The following HPSE2 variants were observed in gnomAD, a reference collection of about 807,000 sequenced individuals.
HPSE2 encodes inactive heparanase-2.
HPSE2 carries 38 observed loss-of-function variants against 60.5 expected under a neutral mutation model. The ratio of observed to expected loss-of-function variants is 0.63; its 90% CI spans 0.48 to 0.82. HPSE2 has a LOEUF of 0.82. Ranked by LOEUF, HPSE2 falls within the 40% of genes least tolerant of loss-of-function variation. The pLI, the probability that HPSE2 is intolerant of heterozygous loss-of-function variation, is 0.00. For missense variants in HPSE2, 713 were observed against 740.4 expected (o/e 0.96, Z 0.43); for synonymous variants, 295 against 293.2 (o/e 1.01, Z -0.06).
intron 9 of HPSE2, among the ~76,000 whole-genome samples, chr10:98,522,192 T>C (rs1009257967): frequency 6.6e-6 from 1 of 151,254 alleles, no homozygotes; most frequent in African/African-American, 2.4e-5. Flanking sequence ...TGGTTTCATA[T>C]AGGGTTTAGA....
intron 3 of HPSE2, among the ~76,000 whole-genome samples, chr10:98,971,459 A>T (rs1007324049): frequency 6.6e-6 from 1 of 152,172 alleles, no homozygotes; most frequent in Non-Finnish European, 1.5e-5. Context: ...CATAAGCCAG[A>T]CAACCACTTA....
Position 98,614,947 on chromosome 10 carries a change from T to C in HPSE2, c.1277A>G (p.His426Arg), listed in dbSNP as rs979140300. 1.7e-5 allele frequency: 28 copies of C among 1,613,988 alleles called. No homozygotes were observed. Among genetic ancestry groups the C allele is most frequent in the Non-Finnish European group, 2.2e-5 (26 of 1,179,984 alleles). Reference protein sequence around the residue: ...DVVIRHSFFDHGYNHLVDQNF... With the variant: ...DVVIRHSFFDRGYNHLVDQNF... ...CTGGTCCACGAGGTGATTGTATCCA[T>C]GGTCAAAAAATGAGTGCCGTATCAC... The change falls in exon 9 of 12, where the codon CAT becomes CGT. Residue 426 changes from histidine to arginine, a missense_variant. Physicochemically the swap from His to Arg is conservative, Grantham distance 29. Transcript: ENST00000370552.
At chr10:98,927,166 C>A in intron 3 of HPSE2, among the ~76,000 whole-genome samples, 1 of 151,688 alleles carries the variant, frequency 6.6e-6, no homozygotes, top group Non-Finnish European at 1.5e-5. Context: ...TCCTTGTTGA[C>A]TTTCTGTCTC....
chr10:98,752,167 T>C (rs1048337066), intron 3 of HPSE2, among the ~76,000 whole-genome samples: 4 of 152,106 alleles, frequency 2.6e-5, no homozygotes, highest in African/African-American at 9.7e-5. Flanking sequence ...TTTCAGGCTC[T>C]GAAAAATAAA....
chr10:98,482,532 A>G, intron 11 of HPSE2, 104 bp downstream of exon 11: 1 of 1,415,840 alleles, frequency 7.1e-7, no homozygotes, highest in East Asian at 2.3e-5. Context: ...ACTCCATCCC[A>G]CTGAGCCCTT....
At chr10:98,511,718 T>C (rs1213666081) in intron 9 of HPSE2, among the ~76,000 whole-genome samples, 1 of 152,134 alleles carries the variant, frequency 6.6e-6, no homozygotes, top group Non-Finnish European at 1.5e-5. Flanking sequence ...ATTTAATAAA[T>C]ATTCTTTGAT....
chr10:98,580,836 A>ATATATATGTGTGTGTGTG, intron 9 of HPSE2, among the ~76,000 whole-genome samples: 6 of 119,528 alleles, frequency 5.0e-5, no homozygotes, highest in African/African-American at 2.2e-4. Context: ...ATATATATAT[A>ATATATATGTGTGTGTGTG]TGTGTGTGTG....
intron 2 of HPSE2, among the ~76,000 whole-genome samples, chr10:99,169,187 C>A (rs1283393304): frequency 8.2e-6 from 1 of 122,246 alleles, no homozygotes; most frequent in South Asian, 2.9e-4. Context: ...AGCAAGACTC[C>A]GTCTCAAAAA....
At position 99,168,085 on chromosome 10, in the gene HPSE2, T is replaced by C. The variant is rs1332220503; in HGVS notation, c.449-23686A>G. On this transcript the variant is annotated intron_variant, in intron 2 of 11. Transcript: ENST00000370552. Reference sequence around the variant, plus strand: ...TGCATCTATTGAGGTGATCAGCCTATTTACACACACACACACACACACACA... The same window carrying C: ...TGCATCTATTGAGGTGATCAGCCTACTTACACACACACACACACACACACA... Among the ~76,000 whole-genome samples, 3 of 84,096 alleles carry C rather than the reference T, an allele frequency of 3.6e-5. No homozygotes were observed. In the East Asian group the frequency reaches 1.0e-3, roughly 29 times the overall value. The allele number at this position is 84,096 out of a possible 152,430, so 55.2% of individuals were successfully genotyped here.
At chr10:99,310,513 G>T in the HPSE2 span, among the ~76,000 whole-genome samples, 2 of 152,120 alleles carry the variant, frequency 1.3e-5, no homozygotes, top group Non-Finnish European at 2.9e-5. Flanking sequence ...GATATACAGT[G>T]AATTTTAGCA....
At chr10:98,796,856 G>A (rs1950790486) in intron 3 of HPSE2, among the ~76,000 whole-genome samples, 1 of 152,196 alleles carries the variant, frequency 6.6e-6, no homozygotes, top group Admixed American at 6.5e-5. Flanking sequence ...TTGGGAGAAA[G>A]TAAGGAAAAA....
intron 3 of HPSE2, among the ~76,000 whole-genome samples, chr10:98,970,847 A>T (rs1955934931): frequency 6.6e-6 from 1 of 152,120 alleles, no homozygotes; most frequent in African/African-American, 2.4e-5. Flanking sequence ...GAGGGAAAGG[A>T]TGAGGCAAAA....
At chr10:98,850,019 C>A (rs920203438) in intron 3 of HPSE2, among the ~76,000 whole-genome samples, 2 of 152,202 alleles carry the variant, frequency 1.3e-5, no homozygotes, top group Non-Finnish European at 2.9e-5. Context: ...GCTGGGATTA[C>A]AGCTGTGAGG....
chr10:98,948,852 TTTC>T (rs1299896168), intron 3 of HPSE2, among the ~76,000 whole-genome samples: 4 of 152,266 alleles, frequency 2.6e-5, no homozygotes, highest in Middle Eastern at 3.4e-3. Flanking sequence ...ATGTTTTCTC[TTTC>T]TTATGATTTT....
At chr10:98,813,492 C>CTTAGAA (rs1951214328) in intron 3 of HPSE2, among the ~76,000 whole-genome samples, 1 of 152,128 alleles carries the variant, frequency 6.6e-6, no homozygotes, top group South Asian at 2.1e-4. Flanking sequence ...ACCCCAAAAT[C>CTTAGAA]ACTGCCTTCT....
At chr10:98,472,733 T>A (rs942102770) in intron 11 of HPSE2, among the ~76,000 whole-genome samples, 1 of 152,200 alleles carries the variant, frequency 6.6e-6, no homozygotes, top group Non-Finnish European at 1.5e-5. Context: ...ATTTCAAGAA[T>A]GTAAATTCAT....
chr10:99,163,541 G>T (rs530811428), intron 2 of HPSE2, among the ~76,000 whole-genome samples: 12 of 152,118 alleles, frequency 7.9e-5, no homozygotes, highest in Non-Finnish European at 1.2e-4. Flanking sequence ...AACATACATT[G>T]GTTTATATTT....
At chr10:98,502,239 C>A (rs1005038760) in intron 9 of HPSE2, among the ~76,000 whole-genome samples, 1 of 152,114 alleles carries the variant, frequency 6.6e-6, no homozygotes, top group East Asian at 1.9e-4. Context: ...TGCATAGCCA[C>A]AGCAAGACTA....
intron 5 of HPSE2, among the ~76,000 whole-genome samples, chr10:98,714,228 C>A (rs1948741160): frequency 6.6e-6 from 1 of 151,786 alleles, no homozygotes; most frequent in Admixed American, 6.6e-5. Context: ...ATTTACATAT[C>A]ATACAATTCA....
Sources: allele counts gnomAD v4.1 joint callset (sites outside exome capture counted in the v4.1 genomes callset), GRCh38; gene constraint gnomAD v4.1.1; transcripts MANE v1.5; gene names NCBI Gene and HGNC (gene_info 2026-07-23, HGNC 2026-07-21).